Variants in CHAF1A observed in about 807,000 individuals in gnomAD.
CHAF1A encodes CAF-1 subunit A.
In CHAF1A, 5 loss-of-function variants were observed where a neutral mutation model predicts 93.2. The observed-to-expected ratio is 0.05, with a 90% confidence interval of 0.03 to 0.11. The LOEUF is 0.11. CHAF1A is among the 10% of genes least tolerant of loss of function. The probability of loss-of-function intolerance (pLI) is 1.00; values close to 1 mark genes in which losing one functional copy is unlikely to be tolerated. For synonymous variants in CHAF1A, 504 were observed against 510.3 expected (o/e 0.99, Z 0.17); for missense variants, 1,102 against 1,259.9 (o/e 0.87, Z 1.90).
At chr19:4,418,987 C>T (rs551147402) in intron 4 of CHAF1A, among the ~76,000 whole-genome samples, 10 of 151,184 alleles carry the variant, frequency 6.6e-5, no homozygotes, top group Admixed American at 1.3e-4. Flanking sequence ...CTCAGCCTCC[C>T]GAGTAGCTGG....
Position 4,438,305 on chromosome 19 carries a change from C to T in CHAF1A, c.2674-3940C>T, listed in dbSNP as rs375815955. On this transcript the variant is annotated intron_variant, in intron 13 of 14. Transcript: ENST00000301280. ...GGTTTTCTGTGCCTGCGTTAGTTTG[C>T]TGAGGATAATGGTTCCCAGCTTCAT... Among the ~76,000 whole-genome samples the T allele has an allele frequency of 2.2e-4, 34 of 152,234 alleles. No individual in the cohort carries two copies. The South Asian group carries it at 5.4e-3, about 24-fold the overall frequency.
chr19:4,446,309 C>G, downstream of CHAF1A: 3 of 1,572,080 alleles, frequency 1.9e-6, no homozygotes, highest in Non-Finnish European at 2.6e-6. Context: ...ATCGGGGAGG[C>G]GCACGCGCAG....
chr19:4,446,293 G>A (rs1218403671), downstream of CHAF1A: 1 of 1,571,404 alleles, frequency 6.4e-7, no homozygotes, highest in Non-Finnish European at 8.6e-7. Context: ...CCTGCAGGAG[G>A]CAGCCATCGG....
intron 13 of CHAF1A, among the ~76,000 whole-genome samples, chr19:4,434,374 G>A (rs77313117): frequency 0.024 from 3,588 of 152,146 alleles, 140 homozygotes; most frequent in African/African-American, 0.083. Flanking sequence ...ACGCACCTTC[G>A]TTGATTTATC....
chr19:4,446,017 G>C (rs755271636), downstream of CHAF1A: 2 of 1,588,446 alleles, frequency 1.3e-6, no homozygotes, highest in Non-Finnish European at 1.7e-6. Flanking sequence ...AGAGGCATCG[G>C]GTCAGCGGTG....
rs569861283 is a variant in CHAF1A at position 4,418,745 on chromosome 19, C to T, written c.1017+669C>T. On this transcript the variant is annotated intron_variant, in intron 4 of 14. Coordinates refer to ENST00000301280, the MANE Select transcript of CHAF1A (RefSeq NM_005483.3). ...TGTGTCTTTCACTTATTGCTAAGTG[C>T]TATAACATCTGAATAGCCTCTACAC... Among the ~76,000 whole-genome samples the T allele has an allele frequency of 2.4e-4, 37 of 152,192 alleles. No individual in the cohort carries two copies. The South Asian group carries it at 7.5e-3, about 31-fold the overall frequency.
chr19:4,408,082 C>T (rs1270343502), intron 2 of CHAF1A, among the ~76,000 whole-genome samples: 1 of 151,746 alleles, frequency 6.6e-6, no homozygotes, highest in Admixed American at 6.6e-5. Flanking sequence ...CCACAGCTCA[C>T]TGCAGCCTCT....
intron 3 of CHAF1A, among the ~76,000 whole-genome samples, chr19:4,411,148 A>G (rs1040177099): frequency 1.3e-5 from 2 of 152,030 alleles, no homozygotes; most frequent in Admixed American, 6.6e-5. Flanking sequence ...TTTAATCTGT[A>G]CCTGTAAGCA....
intron 3 of CHAF1A, 104 bp downstream of exon 3, chr19:4,409,863 G>A: frequency 7.4e-7 from 1 of 1,352,686 alleles, no homozygotes; most frequent in South Asian, 1.4e-5. Context: ...AGTGAGCGGG[G>A]CCACGGGCTG....
chr19:4,414,194 A>G (rs1177543700), intron 3 of CHAF1A, among the ~76,000 whole-genome samples: 2 of 152,120 alleles, frequency 1.3e-5, no homozygotes, highest in Admixed American at 1.3e-4. Context: ...TGAGCTTAGG[A>G]GTTCGAAACC....
Position 4,405,748 on chromosome 19 carries a change from G to C in CHAF1A, c.53-164G>C, listed in dbSNP as rs111400575. Among the ~76,000 whole-genome samples, 324 of 151,604 alleles carry C rather than the reference G, an allele frequency of 2.1e-3. 1 individual carries two copies. Among genetic ancestry groups the C allele is most frequent in the African/African-American group, 7.6e-3 (312 of 41,312 alleles). ...AATAGCATCCCTTTGAGCCCTCCCT[G>C]CATCATGACAACCAAAAACATCTCT... is the stretch of plus-strand genomic sequence containing the variant. On this transcript the variant is annotated intron_variant, in intron 1 of 14. Transcript: ENST00000301280.
chr19:4,412,309 G>A (rs897384115), intron 3 of CHAF1A, among the ~76,000 whole-genome samples: 1 of 152,228 alleles, frequency 6.6e-6, no homozygotes, highest in Non-Finnish European at 1.5e-5. Context: ...TTGGGACGCC[G>A]AGGCGGGTGG....
the CHAF1A span, chr19:4,450,745 C>T: frequency 0.35 from 41,175 of 116,126 alleles, 6,956 homozygotes; most frequent in East Asian, 0.62. Flanking sequence ...GGCGACAGAG[C>T]GAGACTCTGT....
intron 2 of CHAF1A, among the ~76,000 whole-genome samples, chr19:4,408,214 G>C (rs1430790586): frequency 2.3e-5 from 3 of 129,704 alleles, no homozygotes; most frequent in East Asian, 5.0e-4. Context: ...TTTTTCTTTT[G>C]AGAGTTTCGC....
intron 1 of CHAF1A, 30 bp from the exon 2 acceptor site, chr19:4,405,880 AAC>A (rs764052334): frequency 2.5e-6 from 4 of 1,600,786 alleles, no homozygotes; most frequent in Admixed American, 3.3e-5. Flanking sequence ...TGCAGAATTT[AAC>A]AGTTTACCCT....
At chr19:4,432,899 G>A (rs910485939) in intron 12 of CHAF1A, among the ~76,000 whole-genome samples, 171 bp from the exon 13 acceptor site, 1 of 152,130 alleles carries the variant, frequency 6.6e-6, no homozygotes, top group South Asian at 2.1e-4. Context: ...TTCTGGGCAG[G>A]TGCGTAGGTG....
At chr19:4,446,791 G>GCCCCTCGT, downstream of CHAF1A, 1 of 1,613,528 alleles carries the variant, frequency 6.2e-7, no homozygotes, top group South Asian at 1.1e-5. Flanking sequence ...CTGCCCCGAG[G>GCCCCTCGT]CCCCTCGTCC....
chr19:4,427,074 A>G (rs1035209918), intron 7 of CHAF1A, among the ~76,000 whole-genome samples: 1 of 143,952 alleles, frequency 6.9e-6, no homozygotes, highest in Non-Finnish European at 1.5e-5. Flanking sequence ...CTGCGCAATG[A>G]AGCGAGACTC....
At chr19:4,448,418 G>A (rs1390656689), downstream of CHAF1A, 2 of 1,603,158 alleles carry the variant, frequency 1.2e-6, no homozygotes, top group African/African-American at 1.3e-5. Context: ...GAGAAGTGCT[G>A]GGAGGAGGGA....
Sources: gnomAD v4.1 joint callset for allele counts (sites outside exome capture counted in the v4.1 genomes callset) on GRCh38, gnomAD v4.1.1 for gene constraint, MANE v1.5 for transcripts, NCBI Gene and HGNC (gene_info 2026-07-23, HGNC 2026-07-21) for gene names.